NFIA: variants seen among roughly 807,000 people sequenced by gnomAD.
The protein encoded by NFIA is nuclear factor I A, also known as nuclear factor 1 A-type.
In NFIA, 8 loss-of-function variants were observed where a neutral mutation model predicts 62.8. The observed-to-expected ratio is 0.13, with a 90% CI of 0.07 to 0.23. The LOEUF (loss-of-function observed/expected upper bound fraction) is 0.23, where lower values mean the gene tolerates loss of function less well. NFIA is among the 10% of genes least tolerant of loss of function. The pLI, the probability that NFIA is intolerant of heterozygous loss-of-function variation, is 1.00. For missense variants in NFIA, 410 were observed against 642.1 expected (o/e 0.64, Z 3.91); for synonymous variants, 235 against 238.1 (o/e 0.99, Z 0.12).
chr1:61,390,515 T>A (rs1464011496), intron 7 of NFIA, among the ~76,000 whole-genome samples: 1 of 152,164 alleles, frequency 6.6e-6, no homozygotes, highest in Non-Finnish European at 1.5e-5. Flanking sequence ...CCTCTCTAAG[T>A]CCATGATCCT....
intron 2 of NFIA, among the ~76,000 whole-genome samples, chr1:61,227,436 A>C (rs1654402538): frequency 6.6e-6 from 1 of 152,200 alleles, no homozygotes. Context: ...TTGAAGACTG[A>C]TTCGTTCTTT....
At chr1:61,147,013 C>G (rs180833632) in intron 2 of NFIA, among the ~76,000 whole-genome samples, 1 of 152,096 alleles carries the variant, frequency 6.6e-6, no homozygotes, top group Non-Finnish European at 1.5e-5. Context: ...GTGAATCTTA[C>G]GGATGGCTCT....
chr1:61,142,723 T>A (rs971685821), intron 2 of NFIA, among the ~76,000 whole-genome samples: 3 of 152,186 alleles, frequency 2.0e-5, no homozygotes, highest in East Asian at 1.9e-4. Context: ...TTCACTGAAG[T>A]GTTTTCGGGA....
At chr1:61,110,487 C>A (rs902387528) in intron 2 of NFIA, among the ~76,000 whole-genome samples, 5 of 151,852 alleles carry the variant, frequency 3.3e-5, no homozygotes, top group African/African-American at 1.2e-4. Flanking sequence ...ACACACGTAT[C>A]AGTATAGAAA....
intron 2 of NFIA, among the ~76,000 whole-genome samples, chr1:61,190,753 A>C (rs1026385631): frequency 1.3e-5 from 2 of 152,146 alleles, no homozygotes; most frequent in African/African-American, 4.8e-5. Context: ...ACATACATTC[A>C]CTCTAGACCA....
intron 2 of NFIA, among the ~76,000 whole-genome samples, chr1:61,143,152 A>G (rs1455185449): frequency 1.3e-5 from 2 of 151,998 alleles, no homozygotes; most frequent in African/African-American, 4.8e-5. Flanking sequence ...TAGGATGGAG[A>G]TTTTTGTTTT....
At chr1:61,170,096 T>C (rs926635655) in intron 2 of NFIA, among the ~76,000 whole-genome samples, 1 of 152,154 alleles carries the variant, frequency 6.6e-6, no homozygotes, top group African/African-American at 2.4e-5. Context: ...TGAGTACCTG[T>C]AGGCACTGTG....
chr1:61,410,075 C>T (rs1409424111), intron 9 of NFIA, among the ~76,000 whole-genome samples: 2 of 152,070 alleles, frequency 1.3e-5, no homozygotes, highest in South Asian at 4.1e-4. Flanking sequence ...ATGATGGATC[C>T]CTGCTCTCAA....
chr1:61,149,174 G>C (rs971865107), intron 2 of NFIA, among the ~76,000 whole-genome samples: 2 of 151,054 alleles, frequency 1.3e-5, no homozygotes, highest in Non-Finnish European at 2.9e-5. Flanking sequence ...GGGATTACAG[G>C]CTTTAGCAAC....
At chr1:61,231,015 A>G (rs909980917) in intron 2 of NFIA, among the ~76,000 whole-genome samples, 5 of 152,210 alleles carry the variant, frequency 3.3e-5, no homozygotes, top group Non-Finnish European at 7.3e-5. Context: ...GAAGCTTTGT[A>G]TACTTCTGCC....
chr1:61,091,297 T>C (rs1312820225), intron 2 of NFIA, among the ~76,000 whole-genome samples: 1 of 152,196 alleles, frequency 6.6e-6, no homozygotes, highest in Admixed American at 6.5e-5. Flanking sequence ...GAAGTTGAAA[T>C]CTCAGAACAT....
At chr1:61,082,861 C>G (rs1334898557) in intron 1 of NFIA, 43 bp downstream of exon 1, 2 of 1,520,814 alleles carry the variant, frequency 1.3e-6, no homozygotes, top group African/African-American at 2.8e-5. Context: ...GGCCGGGGCG[C>G]CGGGGGCAGG....
chr1:61,308,324 CAAG>C (rs1476211340), intron 3 of NFIA, among the ~76,000 whole-genome samples: 1 of 151,920 alleles, frequency 6.6e-6, no homozygotes, highest in Admixed American at 6.6e-5. Flanking sequence ...GTGCACAAGT[CAAG>C]GAGTAAATGA....
rs1646257055 is a variant in NFIA at position 61,088,355 on chromosome 1, G to A, written c.234G>A (p.Lys78=). 2 of 1,613,706 alleles carry A rather than the reference G, an allele frequency of 1.2e-6. No individual in the cohort carries two copies. ...KQKWASRLLA[K]LRKDIRPEYR... is the part of the protein sequence containing the mutation. ...AGTGGGCATCTCGACTTCTGGCAAA[G>A]TTGCGGAAAGATATCCGACCCGAAT... Residue 78 remains lysine, a synonymous_variant, in exon 2 of 11, where the codon AAG becomes AAA. Transcript: ENST00000403491. The surrounding 1 kb of genome is among the most constrained non-coding windows in gnomAD (Gnocchi z 4.5).
intron 2 of NFIA, among the ~76,000 whole-genome samples, chr1:61,149,872 C>T (rs1195119339): frequency 2.0e-5 from 3 of 152,096 alleles, no homozygotes; most frequent in African/African-American, 7.2e-5. Flanking sequence ...TGCAATGAGC[C>T]AAGGTGGCTA....
chr1:61,179,081 G>A (rs1292553520), intron 2 of NFIA, among the ~76,000 whole-genome samples: 1 of 152,232 alleles, frequency 6.6e-6, no homozygotes, highest in African/African-American at 2.4e-5. Flanking sequence ...GACAGAGAAA[G>A]CCCTGAGGCA....
chr1:61,435,841 A>G (rs931584327), intron 10 of NFIA, among the ~76,000 whole-genome samples: 5 of 152,114 alleles, frequency 3.3e-5, no homozygotes, highest in Non-Finnish European at 7.4e-5. Flanking sequence ...CTTTTTTCCT[A>G]TTCCCTGATA....
At chr1:61,398,807 T>C (rs1263875076) in intron 7 of NFIA, among the ~76,000 whole-genome samples, 1 of 152,216 alleles carries the variant, frequency 6.6e-6, no homozygotes, top group South Asian at 2.1e-4. Flanking sequence ...GCCTGATTCA[T>C]GCATGATTTA....
intron 2 of NFIA, among the ~76,000 whole-genome samples, chr1:61,199,813 G>A (rs997077364): frequency 6.6e-6 from 1 of 151,224 alleles, no homozygotes; most frequent in African/African-American, 2.4e-5. Flanking sequence ...TGGGCAACAC[G>A]GTGAAATCCC....
Sources: gnomAD v4.1 joint callset for allele counts (sites outside exome capture counted in the v4.1 genomes callset) on GRCh38, gnomAD v4.1.1 for gene constraint, Gnocchi (gnomAD v3.1) non-coding constraint, MANE v1.5 for transcripts, NCBI Gene and HGNC (gene_info 2026-07-23, HGNC 2026-07-21) for gene names.